The following PTPRD variants were observed in gnomAD, a reference collection of about 807,000 sequenced individuals.
PTPRD encodes the protein protein tyrosine phosphatase receptor type D.
Under a neutral mutation model 214.5 loss-of-function variants are expected in PTPRD, and 34 were observed. The ratio of observed to expected loss-of-function variants is 0.16; its 90% CI spans 0.12 to 0.21. PTPRD has a LOEUF of 0.21. Among genes scored for constraint, PTPRD ranks in the 10% least tolerant of loss-of-function variants. The probability of loss-of-function intolerance (pLI) is 1.00; values close to 1 mark genes in which losing one functional copy is unlikely to be tolerated. For missense variants in PTPRD, 2,545 were observed against 2,398.7 expected, an observed-to-expected ratio of 1.06 and a Z score of -1.27; for synonymous variants, 1,128 against 845.7, an observed-to-expected ratio of 1.33 and a Z score of -5.79.
intron 3 of PTPRD, among the ~76,000 whole-genome samples, chr9:10,302,933 T>A (rs2095911433): frequency 6.6e-6 from 1 of 152,132 alleles, no homozygotes; most frequent in Non-Finnish European, 1.5e-5. Context: ...AATAGAACTC[T>A]CCACCCCAAA....
intron 35 of PTPRD, among the ~76,000 whole-genome samples, chr9:8,421,855 A>G (rs1283822140): frequency 6.6e-6 from 1 of 151,610 alleles, no homozygotes; most frequent in Admixed American, 6.6e-5. Context: ...TTTTTTTTAA[A>G]TGGTGAATTT....
chr9:9,541,455 T>C (rs963564523), intron 8 of PTPRD, among the ~76,000 whole-genome samples: 1 of 151,824 alleles, frequency 6.6e-6, no homozygotes, highest in African/African-American at 2.4e-5. Context: ...GCTACAACCA[T>C]GTGAGAAACC....
chr9:9,942,701 T>C (rs1039439451), intron 4 of PTPRD, among the ~76,000 whole-genome samples: 1 of 152,176 alleles, frequency 6.6e-6, no homozygotes, highest in Non-Finnish European at 1.5e-5. Context: ...TTAATTAGCA[T>C]TTAAAAAATT....
chr9:10,374,188 G>T (rs1487673716), intron 2 of PTPRD, among the ~76,000 whole-genome samples: 5 of 151,934 alleles, frequency 3.3e-5, no homozygotes, highest in Admixed American at 1.3e-4. Flanking sequence ...TCCCTTTCTG[G>T]TCATCAAAAT....
At chr9:10,336,653 T>C (rs945273718) in intron 3 of PTPRD, among the ~76,000 whole-genome samples, 3 of 151,382 alleles carry the variant, frequency 2.0e-5, no homozygotes, top group African/African-American at 7.3e-5. Context: ...CTGTCCTAGA[T>C]GGTTGGAAGG....
rs1405349807 is a variant in PTPRD, at chr9:10,508,969, A to T, written c.-600+103429T>A. Among the ~76,000 whole-genome samples the T allele has an allele frequency of 2.0e-5, 3 of 152,204 alleles. No individual in the cohort carries two copies. The South Asian group carries it at 6.2e-4, about 32-fold the overall frequency. ...AAAAAAATAAAATAATAGTAAAAAT[A>T]TAAATTGGAGGCATATAATGTCGAT... On this transcript the variant is annotated intron_variant, in intron 2 of 45. Transcript: ENST00000381196.
At chr9:9,725,687 C>G (rs1022652928) in intron 7 of PTPRD, among the ~76,000 whole-genome samples, 2 of 152,038 alleles carry the variant, frequency 1.3e-5, no homozygotes, top group Admixed American at 1.3e-4. Context: ...TAGAAAGAAA[C>G]AAATGTGTAT....
intron 9 of PTPRD, among the ~76,000 whole-genome samples, chr9:9,186,509 G>A (rs1355320218): frequency 6.6e-6 from 1 of 152,000 alleles, no homozygotes; most frequent in East Asian, 1.9e-4. Context: ...TAGTCAGGAG[G>A]CTAAGGTGGG....
At chr9:8,745,203 A>C (rs911130104) in intron 11 of PTPRD, among the ~76,000 whole-genome samples, 4 of 152,212 alleles carry the variant, frequency 2.6e-5, no homozygotes, top group African/African-American at 9.6e-5. Flanking sequence ...CAAGGACATA[A>C]TGGAATTAAT....
At chr9:9,601,080 G>A (rs1385196866) in intron 7 of PTPRD, among the ~76,000 whole-genome samples, 1 of 140,484 alleles carries the variant, frequency 7.1e-6, no homozygotes. Context: ...GTATCACACA[G>A]GATAAATACA....
intron 11 of PTPRD, among the ~76,000 whole-genome samples, chr9:8,929,780 G>GTGTATATATATGTGTATATATATAT (rs1272978143): frequency 6.1e-5 from 5 of 82,436 alleles, no homozygotes; most frequent in African/African-American, 2.9e-4. Context: ...TATATATATG[G>GTGTATATATATGTGTATATATATAT]GTGTGTATAT....
chr9:8,910,107 C>T (rs568816476), intron 11 of PTPRD, among the ~76,000 whole-genome samples: 43 of 152,052 alleles, frequency 2.8e-4, no homozygotes, highest in African/African-American at 9.2e-4. Context: ...GGCTCAATCT[C>T]GGCTCACTGC....
intron 7 of PTPRD, among the ~76,000 whole-genome samples, chr9:9,700,902 G>C (rs1437410306): frequency 6.6e-6 from 1 of 152,056 alleles, no homozygotes; most frequent in Non-Finnish European, 1.5e-5. Context: ...GAAAGTTACA[G>C]ATGTAAACAA....
In PTPRD at chr9:8,507,438, A is replaced by G. The variant is rs750406679; in HGVS notation, c.1544-4T>C. ...AAGTTTAGTGGCTGCCCTGGTACTA[A>G]AAACAGGGAGGCAATGGATTGAACT... is the stretch of plus-strand genomic sequence containing the variant. On this transcript the variant is annotated splice_region_variant and splice_polypyrimidine_tract_variant and intron_variant, in intron 21 of 45. Transcript: ENST00000381196. 125 of 1,613,692 alleles carry G rather than the reference A, an allele frequency of 7.7e-5. No homozygotes were observed. Among genetic ancestry groups the G allele is most frequent in the Non-Finnish European group, 1.1e-4 (124 of 1,179,734 alleles).
intron 10 of PTPRD, among the ~76,000 whole-genome samples, chr9:9,038,611 A>C (rs1445416138): frequency 6.9e-6 from 1 of 144,684 alleles, no homozygotes; most frequent in East Asian, 2.0e-4. Flanking sequence ...GCTGGAAATC[A>C]GTGGTGTGAT....
intron 3 of PTPRD, among the ~76,000 whole-genome samples, chr9:10,141,944 G>C (rs1028663237): frequency 6.6e-6 from 1 of 152,112 alleles, no homozygotes; most frequent in African/African-American, 2.4e-5. Context: ...CAATGGAACA[G>C]AACAGAGCCC....
chr9:10,298,445 T>C (rs1391765439), intron 3 of PTPRD, among the ~76,000 whole-genome samples: 2 of 152,074 alleles, frequency 1.3e-5, no homozygotes, highest in African/African-American at 4.8e-5. Context: ...AAAGAATATG[T>C]TAGAGTTAAG....
intron 7 of PTPRD, among the ~76,000 whole-genome samples, chr9:9,607,309 A>G (rs956948770): frequency 2.0e-5 from 3 of 152,174 alleles, no homozygotes; most frequent in Non-Finnish European, 4.4e-5. Flanking sequence ...TATCCAAATA[A>G]TAAACGCTTT....
At chr9:10,018,348 G>C (rs1214570773) in intron 4 of PTPRD, among the ~76,000 whole-genome samples, 1 of 151,880 alleles carries the variant, frequency 6.6e-6, no homozygotes, top group African/African-American at 2.4e-5. Context: ...TCAGATACAG[G>C]CAGACTTTCT....
Sources: gnomAD v4.1 joint callset for allele counts (sites outside exome capture counted in the v4.1 genomes callset) on GRCh38, gnomAD v4.1.1 for gene constraint, MANE v1.5 for transcripts, NCBI Gene and HGNC (gene_info 2026-07-23, HGNC 2026-07-21) for gene names.